ITGA11: variants seen among roughly 807,000 people sequenced by gnomAD.
The protein encoded by ITGA11 is integrin subunit alpha 11, also known as integrin alpha-11.
Under a neutral mutation model 141.9 loss-of-function variants are expected in ITGA11, and 97 were observed. That is an observed-to-expected ratio of 0.68 (90% CI 0.58 to 0.81). The LOEUF (loss-of-function observed/expected upper bound fraction) is 0.81, where lower values mean the gene tolerates loss of function less well. Ranked by LOEUF, ITGA11 falls within the 30% of genes least tolerant of loss-of-function variation. ITGA11 has a pLI of 0.00. For missense variants in ITGA11, 1,387 were observed against 1,559.2 expected (o/e 0.89, Z 1.86); for synonymous variants, 658 against 624.6 (o/e 1.05, Z -0.80).
At position 68,335,946 on chromosome 15, in the gene ITGA11, T is replaced by C; in HGVS notation, c.1277-101A>G. On this transcript the variant is annotated intron_variant, in intron 11 of 29. Transcript: ENST00000315757. The surrounding 1 kb of genome is among the most constrained non-coding windows in gnomAD (Gnocchi z 4.9). ...GCAGTGCCAGAGGATGGGCCAGTGA[T>C]GGGGTAGGTTCAGGGCTAGCTGAGC... The C allele has an allele frequency of 2.2e-6, 3 of 1,372,640 alleles. No homozygotes were observed. In the South Asian group the frequency reaches 4.0e-5, roughly 18 times the overall value. 85.0% of individuals were successfully genotyped at this position (1,372,640 alleles called of 1,614,324 possible). A position where few individuals can be genotyped will look rare whatever the true frequency, so the allele number is the denominator to read the frequency against.
intron 1 of ITGA11, among the ~76,000 whole-genome samples, chr15:68,408,598 G>C (rs1236255471): frequency 6.6e-6 from 1 of 152,118 alleles, no homozygotes; most frequent in African/African-American, 2.4e-5. Flanking sequence ...ATGGTTGTTA[G>C]AGAGAAGGAC....
chr15:68,329,104 A>C (rs1238696166), intron 15 of ITGA11, among the ~76,000 whole-genome samples: 1 of 152,214 alleles, frequency 6.6e-6, no homozygotes, highest in African/African-American at 2.4e-5. Context: ...AAAGGTGAAC[A>C]GCACCTCTGC....
At chr15:68,390,970 A>G (rs1896105982) in intron 2 of ITGA11, among the ~76,000 whole-genome samples, 1 of 152,202 alleles carries the variant, frequency 6.6e-6, no homozygotes, top group Non-Finnish European at 1.5e-5. Context: ...TAGTCAGCCA[A>G]TGTCTCCTAA....
intron 1 of ITGA11, among the ~76,000 whole-genome samples, chr15:68,405,159 C>CGTTT (rs10647873): frequency 2.4e-4 from 29 of 118,932 alleles, no homozygotes; most frequent in African/African-American, 6.9e-4. Context: ...CACTGTCTCC[C>CGTTT]TTTTTTTTTT....
chr15:68,315,337 T>C (rs1256707794), intron 22 of ITGA11, among the ~76,000 whole-genome samples: 1 of 152,230 alleles, frequency 6.6e-6, no homozygotes, highest in African/African-American at 2.4e-5. Flanking sequence ...GATTTTTGCC[T>C]GTACAATGCT....
At chr15:68,387,922 G>A (rs548325494) in intron 2 of ITGA11, among the ~76,000 whole-genome samples, 4 of 151,924 alleles carry the variant, frequency 2.6e-5, no homozygotes, top group Non-Finnish European at 4.4e-5. Flanking sequence ...GCAGTCTGTC[G>A]TTCATCCCAA....
In ITGA11 at chr15:68,357,010, A is replaced by T. The variant is rs145392177; in HGVS notation, c.749+141T>A. ...AAGAGAAAACCGACCAGCTGAGCCC[A>T]GTCAAACTCCAGAATTTTGAGGAAT... On this transcript the variant is annotated intron_variant, in intron 7 of 29. Coordinates refer to ENST00000315757, the MANE Select transcript of ITGA11 (RefSeq NM_001004439.2). 3.7e-5 allele frequency: 29 copies of T among 783,088 alleles called. No individual in the cohort carries two copies. The East Asian group carries it at 7.1e-4, about 19-fold the overall frequency. 48.5% of individuals were successfully genotyped at this position (783,088 alleles called of 1,614,324 possible).
chr15:68,316,333 G>T (rs1030334483), intron 21 of ITGA11, among the ~76,000 whole-genome samples: 5 of 152,178 alleles, frequency 3.3e-5, no homozygotes, highest in African/African-American at 1.2e-4. Context: ...GGAAACATGC[G>T]ACCCTCCTCG....
chr15:68,391,332 A>G (rs1896117071), intron 2 of ITGA11, among the ~76,000 whole-genome samples: 1 of 152,240 alleles, frequency 6.6e-6, no homozygotes, highest in African/African-American at 2.4e-5. Context: ...ACAATGCTCC[A>G]GGCTGCACTC....
At chr15:68,404,587 G>A (rs1009501123) in intron 1 of ITGA11, among the ~76,000 whole-genome samples, 11 of 152,110 alleles carry the variant, frequency 7.2e-5, no homozygotes, top group African/African-American at 2.4e-4. Context: ...AGTGAGCATC[G>A]TCCTCACTTG....
chr15:68,363,595 T>C (rs985200140), intron 4 of ITGA11, among the ~76,000 whole-genome samples: 10 of 152,338 alleles, frequency 6.6e-5, no homozygotes, highest in African/African-American at 2.4e-4. Flanking sequence ...GTCTCATTTG[T>C]CAGCAGAAAT....
intron 1 of ITGA11, among the ~76,000 whole-genome samples, chr15:68,421,782 T>C (rs1897024178): frequency 6.6e-6 from 1 of 152,172 alleles, no homozygotes; most frequent in African/African-American, 2.4e-5. Context: ...GAGGACATTA[T>C]GTAGCCCAGA....
At chr15:68,414,745 T>A (rs1381676843) in intron 1 of ITGA11, among the ~76,000 whole-genome samples, 2 of 152,170 alleles carry the variant, frequency 1.3e-5, no homozygotes, top group East Asian at 3.9e-4. Context: ...CAGATTGGCT[T>A]TTGGGACTGA....
Position 68,335,401 on chromosome 15 carries a change from C to T in ITGA11, c.1425+296G>A, listed in dbSNP as rs1468658440. 6.6e-6 allele frequency among the ~76,000 whole-genome samples: 1 copy of T among 152,236 alleles called. No individual in the cohort carries two copies. The highest frequency in any genetic ancestry group is 1.9e-4 in the East Asian group (1 of 5,202). ...TCATTGTCCACCACAGGACTCTTGG[C>T]AGCACAGTCTGGTTGCCAACCACCT... On this transcript the variant is annotated intron_variant, in intron 12 of 29. Transcript: ENST00000315757. This position sits in a 1 kb window ranked among gnomAD's most constrained non-coding sequence, Gnocchi z 4.9.
intron 11 of ITGA11, among the ~76,000 whole-genome samples, chr15:68,336,447 G>A (rs1460935060): frequency 6.6e-6 from 1 of 152,264 alleles, no homozygotes; most frequent in East Asian, 1.9e-4. Context: ...GCTCTTGTCA[G>A]CCCCATACAT....
chr15:68,389,461 C>T (rs547231988), intron 2 of ITGA11, among the ~76,000 whole-genome samples: 1 of 152,332 alleles, frequency 6.6e-6, no homozygotes, highest in East Asian at 1.9e-4. Flanking sequence ...TTCTGTGTCC[C>T]CTTGGGGCTC....
At chr15:68,419,825 G>T (rs1461451976) in intron 1 of ITGA11, among the ~76,000 whole-genome samples, 1 of 152,226 alleles carries the variant, frequency 6.6e-6, no homozygotes, top group Non-Finnish European at 1.5e-5. Flanking sequence ...GAGTCAGACT[G>T]CCTGGCTTCA....
Position 68,303,915 on chromosome 15 carries a change from C to A in ITGA11, c.3382-30G>T. 4.2e-6 allele frequency: 6 copies of A among 1,439,204 alleles called. No individual in the cohort carries two copies. The highest frequency in any genetic ancestry group is 1.4e-5 in the African/African-American group (1 of 71,550). 89.2% of individuals were successfully genotyped at this position (1,439,204 alleles called of 1,614,324 possible). A position where few individuals can be genotyped will look rare whatever the true frequency, so the allele number is the denominator to read the frequency against. ...AAGGGGAGGGGGGCCGGGCCAACAG[C>A]ATTACTCTTCTGGGGCTGGGGTGGC... On this transcript the variant is annotated intron_variant, in intron 28 of 29. Transcript: ENST00000315757. This position sits in a 1 kb window ranked among gnomAD's most constrained non-coding sequence, Gnocchi z 5.3.
At chr15:68,388,060 T>C (rs1044179961) in intron 2 of ITGA11, among the ~76,000 whole-genome samples, 4 of 152,278 alleles carry the variant, frequency 2.6e-5, no homozygotes, top group African/African-American at 9.6e-5. Context: ...TCCAAACCAA[T>C]GAGTCCAAAG....
Sources: gnomAD v4.1 joint callset for allele counts (sites outside exome capture counted in the v4.1 genomes callset) on GRCh38, gnomAD v4.1.1 for gene constraint, Gnocchi (gnomAD v3.1) non-coding constraint, MANE v1.5 for transcripts, NCBI Gene and HGNC (gene_info 2026-07-23, HGNC 2026-07-21) for gene names.